Variants in TSG101 observed in about 807,000 individuals in gnomAD.
TSG101 encodes the protein tumor susceptibility gene 101 protein.
In TSG101, 19 loss-of-function variants were observed where a neutral mutation model predicts 48.5. The ratio of observed to expected loss-of-function variants is 0.39; its 90% confidence interval spans 0.27 to 0.58. The LOEUF is 0.58. TSG101 is among the 20% of genes least tolerant of loss of function. The probability of loss-of-function intolerance (pLI) is 0.55; values close to 1 mark genes in which losing one functional copy is unlikely to be tolerated. For synonymous variants in TSG101, 174 were observed against 169.4 expected, an observed-to-expected ratio of 1.03 and a Z score of -0.21; for missense variants, 365 against 484.4, an observed-to-expected ratio of 0.75 and a Z score of 2.31.
chr11:18,495,745 T>TA (rs1849765654), intron 7 of TSG101, among the ~76,000 whole-genome samples: 1 of 151,834 alleles, frequency 6.6e-6, no homozygotes, highest in Non-Finnish European at 1.5e-5. Flanking sequence ...TTCCCCTAGT[T>TA]AGTTTTCAAA....
intron 1 of TSG101, among the ~76,000 whole-genome samples, chr11:18,522,604 C>G (rs936635178): frequency 6.6e-6 from 1 of 152,246 alleles, no homozygotes. Context: ...ACAGTCTAGT[C>G]TCAGCATAGC....
At chr11:18,518,841 T>C (rs1481833263) in intron 2 of TSG101, among the ~76,000 whole-genome samples, 1 of 152,150 alleles carries the variant, frequency 6.6e-6, no homozygotes, top group Non-Finnish European at 1.5e-5. Context: ...AAACTCAATT[T>C]TGTTTAATCC....
At chr11:18,503,262 G>C (rs1443633853) in intron 6 of TSG101, among the ~76,000 whole-genome samples, 3 of 151,882 alleles carry the variant, frequency 2.0e-5, no homozygotes, top group Non-Finnish European at 4.4e-5. Context: ...ATAAATAGGA[G>C]TCCTAAATTT....
chr11:18,497,912 G>A (rs1363487792), intron 7 of TSG101, among the ~76,000 whole-genome samples: 3 of 152,128 alleles, frequency 2.0e-5, no homozygotes, highest in Admixed American at 1.3e-4. Flanking sequence ...TATGGGGTGG[G>A]GGGATGACAT....
intron 3 of TSG101, 30 bp from the exon 4 acceptor site, chr11:18,514,871 C>G: frequency 6.6e-7 from 1 of 1,508,530 alleles, no homozygotes; most frequent in Non-Finnish European, 8.8e-7. Flanking sequence ...TTCAGTTACT[C>G]TATTTTTATT....
chr11:18,481,976 A>G lies in TSG101; in HGVS notation c.844-107T>C, dbSNP rs1849548310. 2.8e-6 allele frequency: 4 copies of G among 1,435,138 alleles called. No individual in the cohort carries two copies. The East Asian group carries it at 9.1e-5, about 33-fold the overall frequency. The allele number at this position is 1,435,138 out of a possible 1,614,324, so 88.9% of individuals were successfully genotyped here. A position where few individuals can be genotyped will look rare whatever the true frequency, so the allele number is the denominator to read the frequency against. On this transcript the variant is annotated intron_variant, in intron 8 of 9. Coordinates refer to ENST00000251968, the MANE Select transcript of TSG101 (RefSeq NM_006292.4). ...ACAGGCTAACAACCATGTTTAAACAACTCATGGATGAGAATAATGTTTCAA... is the reference window on the plus strand; with the variant it reads ...ACAGGCTAACAACCATGTTTAAACAGCTCATGGATGAGAATAATGTTTCAA...
In TSG101 at chr11:18,509,647, C is replaced by T. The variant is rs754053197; in HGVS notation, c.376G>A (p.Gly126Arg). ...EWKHPQSDLL[G>R]LIQVMIVVFG... Reference sequence around the variant, plus strand: ...ACCACAATCATGACCTGAATAAGCCCCAACAAGTCTGACTGTGGCTACAAA... The same window carrying T: ...ACCACAATCATGACCTGAATAAGCCTCAACAAGTCTGACTGTGGCTACAAA... The change falls in exon 5 of 10, where the codon GGG (glycine) becomes AGG (arginine). Residue 126 changes from glycine (G) to arginine (R), a missense_variant. By Grantham distance (125) the Gly-to-Arg change is moderately radical. Coordinates refer to ENST00000251968, the MANE Select transcript of TSG101 (RefSeq NM_006292.4). 6.2e-7 allele frequency: 1 copy of T among 1,603,226 alleles called. No homozygotes were observed. The highest frequency in any genetic ancestry group is 1.7e-5 in the Admixed American group (1 of 59,330).
intron 5 of TSG101, chr11:18,508,772 A>G (rs1188859432): frequency 1.3e-5 from 2 of 152,130 alleles, no homozygotes; most frequent in African/African-American, 4.8e-5. Context: ...CAGCAGAAGA[A>G]AAATGAAAGC....
At chr11:18,520,249 G>T (rs1048341719) in intron 1 of TSG101, among the ~76,000 whole-genome samples, 1 of 152,028 alleles carries the variant, frequency 6.6e-6, no homozygotes, top group Non-Finnish European at 1.5e-5. Context: ...TTGGAGACAG[G>T]GTCTCGCTCT....
chr11:18,480,999 TGA>T (rs1358463924), intron 9 of TSG101, among the ~76,000 whole-genome samples: 1 of 152,100 alleles, frequency 6.6e-6, no homozygotes, highest in Non-Finnish European at 1.5e-5. Flanking sequence ...TCCCCCACAG[TGA>T]GAGGAGATAG....
intron 7 of TSG101, 141 bp from the exon 8 acceptor site, chr11:18,484,213 A>G (rs1159789628): frequency 2.7e-6 from 2 of 735,376 alleles, no homozygotes; most frequent in Non-Finnish European, 4.4e-6. Context: ...TACCAGTTTC[A>G]TGAGAAATAA....
intron 7 of TSG101, among the ~76,000 whole-genome samples, chr11:18,489,297 C>A (rs556586158): frequency 7.8e-4 from 118 of 151,442 alleles, no homozygotes; most frequent in African/African-American, 2.7e-3. Context: ...TTCACAGGTG[C>A]AACCACAGGG....
At chr11:18,526,147 A>AC (rs397795617) in intron 1 of TSG101, among the ~76,000 whole-genome samples, 4 of 152,070 alleles carry the variant, frequency 2.6e-5, no homozygotes, top group East Asian at 1.9e-4. Flanking sequence ...GAAAAAAAAA[A>AC]CACTAGTCTT....
intron 7 of TSG101, 136 bp from the exon 8 acceptor site, chr11:18,484,208 G>C: frequency 1.3e-6 from 1 of 771,672 alleles, no homozygotes; most frequent in Non-Finnish European, 2.1e-6. Context: ...TATGTTACCA[G>C]TTTCATGAGA....
intron 7 of TSG101, among the ~76,000 whole-genome samples, chr11:18,499,190 T>G (rs1849831848): frequency 7.1e-6 from 1 of 140,924 alleles, no homozygotes; most frequent in African/African-American, 2.6e-5. Flanking sequence ...AGAGGATTCT[T>G]TTTTAAATAT....
intron 1 of TSG101, among the ~76,000 whole-genome samples, chr11:18,524,794 T>C (rs1356408841): frequency 6.6e-6 from 1 of 152,200 alleles, no homozygotes; most frequent in East Asian, 1.9e-4. Context: ...CTTGCCTTTG[T>C]CTTTGATGGC....
chr11:18,490,400 G>A (rs1035608490), intron 7 of TSG101: 2 of 592,078 alleles, frequency 3.4e-6, no homozygotes, highest in Non-Finnish European at 3.2e-6. Context: ...TTGCCAGGCT[G>A]CAGGCCTTTT....
chr11:18,501,616 C>T (rs1325998060), intron 7 of TSG101, among the ~76,000 whole-genome samples: 5 of 152,146 alleles, frequency 3.3e-5, no homozygotes, highest in African/African-American at 1.2e-4. Context: ...GTTCCATATA[C>T]ATTTTATGAT....
chr11:18,498,264 A>C (rs917203477), intron 7 of TSG101, among the ~76,000 whole-genome samples: 4 of 152,068 alleles, frequency 2.6e-5, no homozygotes, highest in African/African-American at 9.7e-5. Context: ...TTTGGACTGA[A>C]CTCTGAGTGA....
Sources: gnomAD v4.1 joint callset for allele counts (sites outside exome capture counted in the v4.1 genomes callset) on GRCh38, gnomAD v4.1.1 for gene constraint, MANE v1.5 for transcripts, NCBI Gene and HGNC (gene_info 2026-07-23, HGNC 2026-07-21) for gene names.